Variants in DPP6 observed in about 807,000 individuals in gnomAD.
The protein encoded by DPP6 is dipeptidyl peptidase like 6.
In DPP6, 69 loss-of-function variants were observed where a neutral mutation model predicts 122.6. The observed-to-expected ratio is 0.56, with a 90% CI of 0.46 to 0.69. DPP6 has a LOEUF of 0.69. Ranked by LOEUF, DPP6 falls within the 30% of genes least tolerant of loss-of-function variation. DPP6 has a pLI of 0.00. For synonymous variants in DPP6, 418 were observed against 433.1 expected, an observed-to-expected ratio of 0.97 and a Z score of 0.43; for missense variants, 928 against 1,116.9, an observed-to-expected ratio of 0.83 and a Z score of 2.41.
chr7:154,186,877 C>G (rs1304209142), intron 1 of DPP6, among the ~76,000 whole-genome samples: 1 of 152,228 alleles, frequency 6.6e-6, no homozygotes, highest in African/African-American at 2.4e-5. Flanking sequence ...AAAACAGTTT[C>G]AGAGGAAGGA....
chr7:154,706,620 G>A (rs1840844124), intron 7 of DPP6, among the ~76,000 whole-genome samples: 1 of 152,242 alleles, frequency 6.6e-6, no homozygotes, highest in Non-Finnish European at 1.5e-5. Context: ...GGACTCATTA[G>A]AAGGGTGCCA....
chr7:154,042,954 A>G (rs1799836185), intron 1 of DPP6, among the ~76,000 whole-genome samples: 1 of 152,258 alleles, frequency 6.6e-6, no homozygotes, highest in Non-Finnish European at 1.5e-5. Context: ...ATTTAAAAAC[A>G]TCATGGAGAC....
At chr7:154,444,669 A>G (rs1472090534) in intron 1 of DPP6, among the ~76,000 whole-genome samples, 2 of 152,200 alleles carry the variant, frequency 1.3e-5, no homozygotes, top group African/African-American at 2.4e-5. Flanking sequence ...TTGTATGAAT[A>G]GTACCACTGA....
At chr7:154,830,648 A>G (rs1584826150) in intron 16 of DPP6, among the ~76,000 whole-genome samples, 4 of 152,228 alleles carry the variant, frequency 2.6e-5, no homozygotes, top group Admixed American at 2.6e-4. Flanking sequence ...GTATCAGGGC[A>G]TGAACCTGCC....
chr7:154,193,865 C>T (rs1316615167), intron 1 of DPP6, among the ~76,000 whole-genome samples: 1 of 151,882 alleles, frequency 6.6e-6, no homozygotes, highest in Non-Finnish European at 1.5e-5. Context: ...CCTTGCACAC[C>T]CTGGGATGCG....
chr7:154,404,715 G>T (rs1815925347), intron 1 of DPP6, among the ~76,000 whole-genome samples: 1 of 152,164 alleles, frequency 6.6e-6, no homozygotes, highest in Non-Finnish European at 1.5e-5. Context: ...CGATAAAATG[G>T]ACTCCTCTCA....
intron 1 of DPP6, among the ~76,000 whole-genome samples, chr7:154,126,167 C>T (rs1052855582): frequency 6.6e-6 from 1 of 152,030 alleles, no homozygotes; most frequent in Admixed American, 6.6e-5. Flanking sequence ...CATTTTGGTT[C>T]TGGGAGAGGT....
At chr7:154,110,609 G>A (rs1310699417) in intron 1 of DPP6, among the ~76,000 whole-genome samples, 1 of 152,154 alleles carries the variant, frequency 6.6e-6, no homozygotes, top group African/African-American at 2.4e-5. Flanking sequence ...TGGGATGAGC[G>A]AGAAAGGGGA....
At chr7:153,792,775 G>A in the DPP6 span, among the ~76,000 whole-genome samples, 3 of 151,238 alleles carry the variant, frequency 2.0e-5, no homozygotes, top group Non-Finnish European at 4.4e-5. Flanking sequence ...AACTTGAATT[G>A]TATCTCCCAG....
intron 3 of DPP6, among the ~76,000 whole-genome samples, chr7:154,504,904 G>A (rs1374964061): frequency 2.0e-5 from 3 of 152,012 alleles, no homozygotes; most frequent in African/African-American, 7.3e-5. Flanking sequence ...GCATATCTGG[G>A]TCCATGCAGT....
intron 1 of DPP6, among the ~76,000 whole-genome samples, chr7:154,115,366 G>A (rs1323803586): frequency 6.6e-6 from 1 of 152,206 alleles, no homozygotes; most frequent in Non-Finnish European, 1.5e-5. Flanking sequence ...GATGAATTTT[G>A]TCAAAGGACT....
At chr7:154,043,182 G>A (rs1269962826) in intron 1 of DPP6, among the ~76,000 whole-genome samples, 2 of 151,976 alleles carry the variant, frequency 1.3e-5, no homozygotes, top group African/African-American at 4.8e-5. Flanking sequence ...GAGGTCAGGG[G>A]TTTGAGACCA....
At chr7:154,627,477 C>G (rs150616603) in intron 5 of DPP6, among the ~76,000 whole-genome samples, 1 of 152,010 alleles carries the variant, frequency 6.6e-6, no homozygotes, top group Non-Finnish European at 1.5e-5. Flanking sequence ...GGATTACAGA[C>G]GTGAGCCACC....
At chr7:154,370,781 T>C (rs1812587054) in intron 1 of DPP6, among the ~76,000 whole-genome samples, 1 of 152,194 alleles carries the variant, frequency 6.6e-6, no homozygotes, top group African/African-American at 2.4e-5. Flanking sequence ...TACTTGCATA[T>C]TTTTACTGAT....
the DPP6 span, among the ~76,000 whole-genome samples, chr7:153,791,148 A>G: frequency 6.6e-6 from 1 of 152,136 alleles, no homozygotes; most frequent in Admixed American, 6.6e-5. Context: ...GTTGCCGTGT[A>G]TTTTTGTTGG....
Position 154,446,336 on chromosome 7 carries a change from A to G in DPP6, c.358+8A>G. Reference sequence around the variant, plus strand: ...TCATACTTCTGACACCAGGTACTGTATTCATTCTTGGAAAAGCAAGTCGCT... The same window carrying G: ...TCATACTTCTGACACCAGGTACTGTGTTCATTCTTGGAAAAGCAAGTCGCT... On this transcript the variant is annotated splice_region_variant and intron_variant, in intron 2 of 25. Coordinates refer to ENST00000377770, the MANE Select transcript of DPP6 (RefSeq NM_130797.4). The G allele has an allele frequency of 6.3e-7, 1 of 1,593,254 alleles. No individual in the cohort carries two copies. Among genetic ancestry groups the G allele is most frequent in the South Asian group, 1.2e-5 (1 of 86,290 alleles).
intron 1 of DPP6, among the ~76,000 whole-genome samples, chr7:154,355,907 G>T (rs1811236249): frequency 6.6e-6 from 1 of 152,056 alleles, no homozygotes; most frequent in Admixed American, 6.5e-5. Flanking sequence ...TGCATTCTAT[G>T]AAAGATTAAA....
At chr7:154,431,467 T>C (rs138688639) in intron 1 of DPP6, among the ~76,000 whole-genome samples, 1 of 24,378 alleles carries the variant, frequency 4.1e-5, no homozygotes, top group Non-Finnish European at 6.7e-5. Flanking sequence ...TTTTCTTTTC[T>C]TTTCTTTTCT....
At chr7:154,667,027 A>G (rs1250617714) in intron 6 of DPP6, among the ~76,000 whole-genome samples, 5 of 152,138 alleles carry the variant, frequency 3.3e-5, no homozygotes, top group Non-Finnish European at 7.4e-5. Context: ...TCCAAGTCTC[A>G]TAGGTGAGAA....
Sources: allele counts gnomAD v4.1 joint callset (sites outside exome capture counted in the v4.1 genomes callset), GRCh38; gene constraint gnomAD v4.1.1; transcripts MANE v1.5; gene names NCBI Gene and HGNC (gene_info 2026-07-23, HGNC 2026-07-21).